Variants in GRIK5 observed in about 807,000 individuals in gnomAD.
The protein encoded by GRIK5 is glutamate ionotropic receptor kainate type subunit 5, also known as glutamate receptor ionotropic, kainate 5.
GRIK5 carries 43 observed loss-of-function variants against 97.4 expected under a neutral mutation model. The ratio of observed to expected loss-of-function variants is 0.44; its 90% CI spans 0.35 to 0.57. The LOEUF is 0.57. Among genes scored for constraint, GRIK5 ranks in the 20% least tolerant of loss-of-function variants. The pLI is 0.01. For synonymous variants in GRIK5, 580 were observed against 583.5 expected, an observed-to-expected ratio of 0.99 and a Z score of 0.09; for missense variants, 1,015 against 1,382.0, an observed-to-expected ratio of 0.73 and a Z score of 4.21.
intron 15 of GRIK5, among the ~76,000 whole-genome samples, chr19:42,014,732 G>A (rs1478776280): frequency 2.0e-5 from 3 of 151,984 alleles, no homozygotes; most frequent in Non-Finnish European, 4.4e-5. Context: ...GCAGTGAGCT[G>A]AGATCACACC....
chr19:42,055,393 C>T (rs2076169833), intron 8 of GRIK5, among the ~76,000 whole-genome samples: 1 of 152,210 alleles, frequency 6.6e-6, no homozygotes, highest in Non-Finnish European at 1.5e-5. Flanking sequence ...GTCTTGGTAT[C>T]TGAGTAGATG....
intron 12 of GRIK5, among the ~76,000 whole-genome samples, chr19:42,029,065 T>C (rs2075806149): frequency 6.6e-6 from 1 of 152,000 alleles, no homozygotes; most frequent in Admixed American, 6.6e-5. Context: ...ACCCCATCTC[T>C]ACAAAAAAAA....
At chr19:42,048,502 C>T (rs2146124517) in intron 11 of GRIK5, among the ~76,000 whole-genome samples, 1 of 152,270 alleles carries the variant, frequency 6.6e-6, no homozygotes, top group South Asian at 2.1e-4. Context: ...CGCCTGTAGT[C>T]CCAGCTACTT....
At chr19:42,023,335 ATC>A (rs937795837) in intron 12 of GRIK5, among the ~76,000 whole-genome samples, 6 of 152,208 alleles carry the variant, frequency 3.9e-5, no homozygotes, top group African/African-American at 1.4e-4. Context: ...GATTCGGAGA[ATC>A]TCTCTGGGAA....
chr19:42,043,704 A>C (rs1645799917), intron 11 of GRIK5, among the ~76,000 whole-genome samples: 1 of 152,100 alleles, frequency 6.6e-6, no homozygotes, highest in African/African-American at 2.4e-5. Flanking sequence ...CACCTGGCCC[A>C]GATGGTGCAA....
intron 1 of GRIK5, among the ~76,000 whole-genome samples, chr19:42,067,388 A>G: frequency 6.6e-6 from 1 of 152,198 alleles, no homozygotes; most frequent in East Asian, 1.9e-4. Flanking sequence ...CTCTGAGAAG[A>G]AGAGAGTGCT....
chr19:42,068,550 G>T (rs2076374096), intron 1 of GRIK5: 5 of 401,618 alleles, frequency 1.2e-5, no homozygotes, highest in Non-Finnish European at 1.8e-5. Context: ...AAGTGACAGA[G>T]GGAAGACAGC....
chr19:42,053,939 TG>T lies in GRIK5; in HGVS notation c.1057-11del. The T allele has an allele frequency of 6.3e-7, 1 of 1,585,198 alleles. No homozygotes were observed. Among genetic ancestry groups the T allele is most frequent in the Non-Finnish European group, 8.7e-7 (1 of 1,155,486 alleles). Reference sequence around the variant, plus strand: ...GCCCATCATACTCTACCTGGCAGGGTGGGGAGGTGGGGCAGAGGGAGAGTGC... The same window carrying T: ...GCCCATCATACTCTACCTGGCAGGGTGGGAGGTGGGGCAGAGGGAGAGTGC... On this transcript the variant is annotated splice_polypyrimidine_tract_variant and intron_variant, in intron 9 of 19. Coordinates refer to ENST00000593562, the MANE Select transcript of GRIK5 (RefSeq NM_002088.5).
In GRIK5 at chr19:42,022,081, G is replaced by A. The variant is rs763123253; in HGVS notation, c.1588-25C>T. ...CCTGTGGGGAGAGGGAGTGAGACCC[G>A]GAGACACCCCTGGCCTGAGCCTCAC... On this transcript the variant is annotated intron_variant, in intron 13 of 19. Coordinates refer to ENST00000593562, the MANE Select transcript of GRIK5 (RefSeq NM_002088.5). This position sits in a 1 kb window ranked among gnomAD's most constrained non-coding sequence, Gnocchi z 4.2. The A allele has an allele frequency of 1.5e-5, 23 of 1,547,122 alleles. No homozygotes were observed. The highest frequency in any genetic ancestry group is 5.4e-5 in the African/African-American group (4 of 73,534).
chr19:42,025,600 C>T (rs934567645), intron 12 of GRIK5, among the ~76,000 whole-genome samples: 6 of 152,184 alleles, frequency 3.9e-5, no homozygotes, highest in East Asian at 3.8e-4. Context: ...GTCCTGTACA[C>T]AGCCTCTCCC....
chr19:42,055,444 T>C (rs2076170699), intron 8 of GRIK5, among the ~76,000 whole-genome samples: 1 of 152,226 alleles, frequency 6.6e-6, no homozygotes, highest in South Asian at 2.1e-4. Context: ...TTTTGTATGC[T>C]GGTATTTATT....
In GRIK5 at chr19:42,021,903, GT is replaced by G. The variant is rs758608539; in HGVS notation, c.1697+43del. The G allele has an allele frequency of 1.5e-6, 2 of 1,362,492 alleles. No individual in the cohort carries two copies. Among genetic ancestry groups the G allele is most frequent in the East Asian group, 4.9e-5 (2 of 41,190 alleles). 84.4% of individuals were successfully genotyped at this position (1,362,492 alleles called of 1,614,324 possible). A position where few individuals can be genotyped will look rare whatever the true frequency, so the allele number is the denominator to read the frequency against. ...AGGTCGGTCCCAGAGGCCTCGGCTC[GT>G]GCCTCCTCCAGCCCCTTCCTTCCCA... is the stretch of plus-strand genomic sequence containing the variant. On this transcript the variant is annotated intron_variant, in intron 14 of 19. Transcript: ENST00000593562. The surrounding 1 kb of genome is among the most constrained non-coding windows in gnomAD (Gnocchi z 4.2).
intron 1 of GRIK5, among the ~76,000 whole-genome samples, chr19:42,067,267 C>T (rs1473060452): frequency 6.6e-6 from 1 of 152,182 alleles, no homozygotes; most frequent in Admixed American, 6.5e-5. Flanking sequence ...AGGATAGAGG[C>T]ACAAGTCCTT....
chr19:42,006,932 T>G lies in GRIK5; in HGVS notation c.1872-122A>C. On this transcript the variant is annotated intron_variant, in intron 15 of 19. Transcript: ENST00000593562. This position sits in a 1 kb window ranked among gnomAD's most constrained non-coding sequence, Gnocchi z 5.3. ...CCCAGCATCTGGAAGACTCAGTGAC[T>G]GCTGGGTGCAGAAGCGGGGAGTGTG... The G allele has an allele frequency of 1.5e-6, 1 of 674,346 alleles. No homozygotes were observed. Among genetic ancestry groups the G allele is most frequent in the Non-Finnish European group, 2.5e-6 (1 of 405,760 alleles). The allele number at this position is 674,346 out of a possible 1,614,324, so 41.8% of individuals were successfully genotyped here.
intron 6 of GRIK5, among the ~76,000 whole-genome samples, chr19:42,057,373 ATCT>A (rs2076200578): frequency 6.6e-6 from 1 of 151,528 alleles, no homozygotes. Context: ...AAGGGGAATT[ATCT>A]TTTTTTTTTT....
rs150541596 is a variant in GRIK5 at position 42,054,463 on chromosome 19, C to A, written c.913G>T (p.Ala305Ser). The change falls in exon 9 of 20, where the codon GCC becomes TCC. Residue 305 changes from alanine to serine, a missense_variant. Transcript: ENST00000593562. The part of the protein sequence containing the change: ...STYLGPALSA[A>S]LMFDAVHVVV... Reference sequence around the variant, plus strand: ...ACGTGCACGGCGTCAAACATCAGGGCGGCTGACAGCTGCGGTGGGACAGAG... The same window carrying A: ...ACGTGCACGGCGTCAAACATCAGGGAGGCTGACAGCTGCGGTGGGACAGAG... The A allele has an allele frequency of 2.5e-6, 4 of 1,612,768 alleles. No homozygotes were observed. The highest frequency in any genetic ancestry group is 3.4e-6 in the Non-Finnish European group (4 of 1,179,928).
Position 42,065,394 on chromosome 19 carries a change from G to A in GRIK5, c.80-7C>T. Reference sequence around the variant, plus strand: ...TGATCATCCAGGATTGCAGCTGAGGGGACACATGGGTTGGGGACCAGACTC... The same window carrying A: ...TGATCATCCAGGATTGCAGCTGAGGAGACACATGGGTTGGGGACCAGACTC... On this transcript the variant is annotated splice_polypyrimidine_tract_variant and splice_region_variant and intron_variant, in intron 2 of 19. Coordinates refer to ENST00000593562, the MANE Select transcript of GRIK5 (RefSeq NM_002088.5). This position sits in a 1 kb window ranked among gnomAD's most constrained non-coding sequence, Gnocchi z 5.8. The A allele has an allele frequency of 6.4e-7, 1 of 1,574,210 alleles. No homozygotes were observed.
chr19:42,032,672 G>A (rs1208147685), intron 12 of GRIK5, among the ~76,000 whole-genome samples: 2 of 152,204 alleles, frequency 1.3e-5, no homozygotes, highest in Non-Finnish European at 2.9e-5. Context: ...TCCGTGACCA[G>A]AGAAAACTCT....
At position 42,002,120 on chromosome 19, in the gene GRIK5, C is replaced by T. The variant is rs957328836; in HGVS notation, c.2514+1212G>A. On this transcript the variant is annotated intron_variant, in intron 19 of 19. Transcript: ENST00000593562. This position sits in a 1 kb window ranked among gnomAD's most constrained non-coding sequence, Gnocchi z 5.2. Reference sequence around the variant, plus strand: ...GAGGCCTGAGACCGGGAATTTCAGACATGGAAGTTGCTGGTGACAAGAGTG... The same window carrying T: ...GAGGCCTGAGACCGGGAATTTCAGATATGGAAGTTGCTGGTGACAAGAGTG... 2 of 716,628 alleles carry T rather than the reference C, an allele frequency of 2.8e-6. No homozygotes were observed. The highest frequency in any genetic ancestry group is 5.2e-6 in the Non-Finnish European group (2 of 384,496). 44.4% of individuals were successfully genotyped at this position (716,628 alleles called of 1,614,324 possible).
Sources: allele counts gnomAD v4.1 joint callset (sites outside exome capture counted in the v4.1 genomes callset), GRCh38; gene constraint gnomAD v4.1.1; non-coding constraint Gnocchi (gnomAD v3.1); transcripts MANE v1.5; gene names NCBI Gene and HGNC (gene_info 2026-07-23, HGNC 2026-07-21).